Variants in PTPRD observed in about 807,000 individuals in gnomAD.
PTPRD encodes the protein receptor-type tyrosine-protein phosphatase delta.
Under a neutral mutation model 214.5 loss-of-function variants are expected in PTPRD, and 34 were observed. The ratio of observed to expected loss-of-function variants is 0.16; its 90% CI spans 0.12 to 0.21. The LOEUF (loss-of-function observed/expected upper bound fraction) is 0.21, where lower values mean the gene tolerates loss of function less well. Ranked by LOEUF, PTPRD falls within the 10% of genes least tolerant of loss-of-function variation. The probability of loss-of-function intolerance (pLI) is 1.00; values close to 1 mark genes in which losing one functional copy is unlikely to be tolerated. For synonymous variants in PTPRD, 1,128 were observed against 845.7 expected, an observed-to-expected ratio of 1.33 and a Z score of -5.79; for missense variants, 2,545 against 2,398.7, an observed-to-expected ratio of 1.06 and a Z score of -1.27.
intron 3 of PTPRD, among the ~76,000 whole-genome samples, chr9:10,252,584 G>A (rs2092884129): frequency 6.6e-6 from 1 of 151,836 alleles, no homozygotes; most frequent in African/African-American, 2.4e-5. Context: ...TATATATTAT[G>A]TATTAATGAT....
chr9:9,739,643 G>T (rs778420544), intron 6 of PTPRD, among the ~76,000 whole-genome samples: 1 of 151,360 alleles, frequency 6.6e-6, no homozygotes, highest in Non-Finnish European at 1.5e-5. Context: ...AAAAAAGCCA[G>T]TTGTGGTTTT....
chr9:10,602,070 T>A (rs922359091), intron 2 of PTPRD, among the ~76,000 whole-genome samples: 1 of 151,778 alleles, frequency 6.6e-6, no homozygotes, highest in Non-Finnish European at 1.5e-5. Context: ...TTCTATTTTA[T>A]ATATTTTAAC....
intron 8 of PTPRD, among the ~76,000 whole-genome samples, chr9:9,427,256 C>T (rs953889651): frequency 6.6e-6 from 1 of 152,098 alleles, no homozygotes; most frequent in Non-Finnish European, 1.5e-5. Context: ...ATGAGAACTA[C>T]GTGACAAATG....
intron 7 of PTPRD, among the ~76,000 whole-genome samples, chr9:9,684,726 G>A (rs1379585949): frequency 6.7e-6 from 1 of 148,676 alleles, no homozygotes; most frequent in East Asian, 1.9e-4. Flanking sequence ...TGTGTGTGTG[G>A]TTTTCTTACT....
chr9:8,644,465 G>C (rs1372672812), intron 12 of PTPRD, among the ~76,000 whole-genome samples: 2 of 152,162 alleles, frequency 1.3e-5, no homozygotes, highest in African/African-American at 2.4e-5. Flanking sequence ...AAGGCTAAAA[G>C]AGCTGTAACA....
chr9:10,311,477 G>T (rs1016367013), intron 3 of PTPRD, among the ~76,000 whole-genome samples: 1 of 151,936 alleles, frequency 6.6e-6, no homozygotes, highest in Non-Finnish European at 1.5e-5. Context: ...TTGAAATTCA[G>T]TTCTCTCATC....
At chr9:10,273,656 C>G (rs1257053312) in intron 3 of PTPRD, among the ~76,000 whole-genome samples, 1 of 152,078 alleles carries the variant, frequency 6.6e-6, no homozygotes, top group African/African-American at 2.4e-5. Context: ...TAGAGAATGA[C>G]TTCTTTATTC....
At chr9:9,838,115 C>T (rs913338805) in intron 5 of PTPRD, among the ~76,000 whole-genome samples, 65 of 152,202 alleles carry the variant, frequency 4.3e-4, no homozygotes, top group African/African-American at 1.1e-3. Context: ...TTTTTATGGC[C>T]GCCTAGTATT....
chr9:9,176,702 G>C (rs1263606081), intron 10 of PTPRD, among the ~76,000 whole-genome samples: 1 of 152,086 alleles, frequency 6.6e-6, no homozygotes, highest in Admixed American at 6.6e-5. Context: ...GAAAGAATAA[G>C]TTCTGTCCCC....
intron 7 of PTPRD, among the ~76,000 whole-genome samples, chr9:9,589,351 T>C (rs1055732022): frequency 6.6e-6 from 1 of 151,944 alleles, no homozygotes; most frequent in African/African-American, 2.4e-5. Flanking sequence ...TAATAAAATG[T>C]CTTTCCCTTT....
At chr9:8,764,471 A>T (rs2094583568) in intron 11 of PTPRD, among the ~76,000 whole-genome samples, 1 of 152,140 alleles carries the variant, frequency 6.6e-6, no homozygotes, top group Admixed American at 6.5e-5. Context: ...ATCTGACACT[A>T]AAAATACGGA....
At chr9:10,393,257 G>C (rs1458761407) in intron 2 of PTPRD, among the ~76,000 whole-genome samples, 2 of 151,600 alleles carry the variant, frequency 1.3e-5, no homozygotes, top group African/African-American at 4.8e-5. Flanking sequence ...AAAATGTACT[G>C]ACAGAAAAAG....
intron 33 of PTPRD, among the ~76,000 whole-genome samples, chr9:8,451,640 C>G (rs2095956237): frequency 1.3e-5 from 2 of 152,212 alleles, no homozygotes; most frequent in African/African-American, 4.8e-5. Flanking sequence ...AATGAAACGT[C>G]ACTGGGTGCA....
At chr9:10,058,309 T>A (rs141698411) in intron 3 of PTPRD, among the ~76,000 whole-genome samples, 1 of 152,096 alleles carries the variant, frequency 6.6e-6, no homozygotes, top group Non-Finnish European at 1.5e-5. Context: ...CTGCAACCCA[T>A]ATGTTATAGT....
chr9:9,007,960 G>A (rs146014677), intron 11 of PTPRD, among the ~76,000 whole-genome samples: 1,268 of 32,236 alleles, frequency 0.039, 116 homozygotes, highest in South Asian at 0.35. Flanking sequence ...TTTAGGGTAC[G>A]TGTGCACAAT....
intron 10 of PTPRD, among the ~76,000 whole-genome samples, chr9:9,144,750 C>A (rs2099865880): frequency 6.6e-6 from 1 of 151,550 alleles, no homozygotes; most frequent in African/African-American, 2.4e-5. Flanking sequence ...GAGACTCTGT[C>A]AAAAAACAAA....
intron 9 of PTPRD, among the ~76,000 whole-genome samples, chr9:9,222,499 G>A (rs2099956779): frequency 6.6e-6 from 1 of 151,986 alleles, no homozygotes; most frequent in Admixed American, 6.6e-5. Context: ...AAAATGTAGA[G>A]TTATGCCCAC....
At chr9:8,798,034 A>C (rs2096484319) in intron 11 of PTPRD, among the ~76,000 whole-genome samples, 1 of 152,140 alleles carries the variant, frequency 6.6e-6, no homozygotes, top group Non-Finnish European at 1.5e-5. Context: ...ACTTGAGTCA[A>C]AGCTCAAAGT....
chr9:8,928,004 C>T (rs2098915743), intron 11 of PTPRD, among the ~76,000 whole-genome samples: 1 of 152,126 alleles, frequency 6.6e-6, no homozygotes, highest in South Asian at 2.1e-4. Context: ...TAAATGTCTT[C>T]TTTTGAGGAG....
Sources: allele counts gnomAD v4.1 joint callset (sites outside exome capture counted in the v4.1 genomes callset), GRCh38; gene constraint gnomAD v4.1.1; transcripts MANE v1.5; gene names NCBI Gene and HGNC (gene_info 2026-07-23, HGNC 2026-07-21).